The following EYS variants were observed in gnomAD, a reference collection of about 807,000 sequenced individuals.
The protein encoded by EYS is protein eyes shut homolog.
Under a neutral mutation model 282.1 loss-of-function variants are expected in EYS, and 250 were observed. The ratio of observed to expected loss-of-function variants is 0.89; its 90% CI spans 0.80 to 0.98. The LOEUF (loss-of-function observed/expected upper bound fraction) is 0.98, where lower values mean the gene tolerates loss of function less well. Ranked by LOEUF, EYS falls within the 50% of genes least tolerant of loss-of-function variation. The pLI is 0.00. For missense variants in EYS, 4,016 were observed against 3,709.0 expected, an observed-to-expected ratio of 1.08 and a Z score of -2.15; for synonymous variants, 1,355 against 1,282.9, an observed-to-expected ratio of 1.06 and a Z score of -1.20.
intron 35 of EYS, among the ~76,000 whole-genome samples, chr6:63,982,722 G>A (rs1052391116): frequency 6.6e-6 from 1 of 151,790 alleles, no homozygotes. Flanking sequence ...CCCACAGTCA[G>A]GGAGGGAGGA....
At chr6:63,750,631 T>C (rs1355423440) in intron 41 of EYS, among the ~76,000 whole-genome samples, 5 of 152,226 alleles carry the variant, frequency 3.3e-5, no homozygotes, top group Non-Finnish European at 2.9e-5. Flanking sequence ...CATGTTCTAC[T>C]GTTTATTTCT....
At chr6:64,658,854 C>A (rs1403446857) in intron 22 of EYS, among the ~76,000 whole-genome samples, 2 of 152,142 alleles carry the variant, frequency 1.3e-5, no homozygotes, top group East Asian at 3.8e-4. Flanking sequence ...ACAAGGATAT[C>A]CAGGAATTGA....
chr6:64,492,253 T>C (rs9294512), intron 26 of EYS, among the ~76,000 whole-genome samples: 62,576 of 150,908 alleles, frequency 0.41, 13,531 homozygotes, highest in African/African-American at 0.56. Context: ...AGGATCAATG[T>C]CTGAAGTCCA....
intron 22 of EYS, among the ~76,000 whole-genome samples, chr6:64,775,236 C>T (rs1251670444): frequency 6.6e-6 from 1 of 151,946 alleles, no homozygotes; most frequent in Non-Finnish European, 1.5e-5. Context: ...TGAGTAACTC[C>T]TCTAAACCAA....
intron 22 of EYS, among the ~76,000 whole-genome samples, chr6:64,749,934 A>G (rs1408928279): frequency 6.6e-6 from 1 of 152,056 alleles, no homozygotes; most frequent in Non-Finnish European, 1.5e-5. Flanking sequence ...CCTTATAGTA[A>G]TTCATTACTT....
intron 12 of EYS, among the ~76,000 whole-genome samples, chr6:65,164,131 C>A (rs1157745138): frequency 6.6e-6 from 1 of 151,216 alleles, no homozygotes; most frequent in African/African-American, 2.4e-5. Flanking sequence ...AAAAAAGATT[C>A]TCAGGGGAAA....
intron 29 of EYS, among the ~76,000 whole-genome samples, chr6:64,327,245 C>T (rs1372605621): frequency 6.6e-6 from 1 of 152,076 alleles, no homozygotes; most frequent in Admixed American, 6.6e-5. Context: ...TTAAGGCATG[C>T]TCCTGGCTAA....
chr6:65,442,499 A>T (rs1768372719), intron 5 of EYS, among the ~76,000 whole-genome samples: 1 of 152,034 alleles, frequency 6.6e-6, no homozygotes, highest in Non-Finnish European at 1.5e-5. Context: ...TCATGCCTGT[A>T]ATCCCAGCAC....
chr6:65,252,747 C>T (rs1363469207), intron 12 of EYS, among the ~76,000 whole-genome samples: 1 of 151,726 alleles, frequency 6.6e-6, no homozygotes, highest in Non-Finnish European at 1.5e-5. Context: ...TACAAAGTCT[C>T]AGCAAATAGA....
chr6:64,550,990 CAG>C (rs903721664), intron 26 of EYS, among the ~76,000 whole-genome samples: 4 of 151,942 alleles, frequency 2.6e-5, no homozygotes, highest in Non-Finnish European at 5.9e-5. Flanking sequence ...TGGCCAGAAA[CAG>C]AAATTCCTCA....
chr6:64,058,948 C>G (rs1264381545), intron 33 of EYS, among the ~76,000 whole-genome samples: 1 of 152,114 alleles, frequency 6.6e-6, no homozygotes. Context: ...ACAGCTAGTG[C>G]TCAAAACATT....
intron 5 of EYS, among the ~76,000 whole-genome samples, chr6:65,475,367 T>C (rs1158958971): frequency 1.3e-5 from 2 of 152,218 alleles, no homozygotes; most frequent in East Asian, 3.9e-4. Flanking sequence ...CTTTCTAGCA[T>C]TGGTCTTTAT....
intron 35 of EYS, among the ~76,000 whole-genome samples, chr6:63,877,874 C>A (rs557016151): frequency 6.6e-6 from 1 of 152,144 alleles, no homozygotes; most frequent in Non-Finnish European, 1.5e-5. Context: ...ATTCATCTAA[C>A]CTTTTTGAAG....
intron 18 of EYS, 126 bp downstream of exon 18, chr6:64,901,987 C>A: frequency 1.6e-6 from 1 of 624,100 alleles, no homozygotes; most frequent in East Asian, 3.0e-5. Flanking sequence ...TGAGGATGTG[C>A]TGGTACAAGC....
intron 7 of EYS, among the ~76,000 whole-genome samples, chr6:65,387,937 T>A (rs777665646): frequency 2.6e-5 from 4 of 152,056 alleles, no homozygotes; most frequent in Non-Finnish European, 5.9e-5. Flanking sequence ...TTCAATGCTG[T>A]CATTGAACCT....
At chr6:63,886,460 A>T (rs763620455) in intron 35 of EYS, among the ~76,000 whole-genome samples, 2 of 152,178 alleles carry the variant, frequency 1.3e-5, no homozygotes, top group Non-Finnish European at 2.9e-5. Flanking sequence ...AAAAAAAGTG[A>T]TGTTATTACT....
chr6:64,997,639 A>G lies in EYS; in HGVS notation c.2202T>C (p.Ile734=). The G allele has an allele frequency of 6.4e-7, 1 of 1,551,286 alleles. No homozygotes were observed. Among genetic ancestry groups the G allele is most frequent in the Non-Finnish European group, 8.7e-7 (1 of 1,146,596 alleles). ...CACAGGCATTCAGGATGCAGTCATC[A>G]ATGTCCTGTTCACATCTTATCCCAA... ...GYVGIRCEQD[I]DDCILNACEH... The change falls in exon 14 of 43, where the codon ATT becomes ATC. Residue 734 remains isoleucine (I), a synonymous_variant. Transcript: ENST00000503581.
At chr6:65,636,180 A>G (rs1400024923) in intron 2 of EYS, among the ~76,000 whole-genome samples, 1 of 152,240 alleles carries the variant, frequency 6.6e-6, no homozygotes, top group Non-Finnish European at 1.5e-5. Flanking sequence ...AAAAGAAGAC[A>G]AGGTCATTTC....
At chr6:63,993,405 A>G (rs1767693004) in intron 34 of EYS, among the ~76,000 whole-genome samples, 1 of 151,850 alleles carries the variant, frequency 6.6e-6, no homozygotes, top group Admixed American at 6.6e-5. Context: ...GATAATATAC[A>G]TAGAAAACCT....
Sources: allele counts gnomAD v4.1 joint callset (sites outside exome capture counted in the v4.1 genomes callset), GRCh38; gene constraint gnomAD v4.1.1; transcripts MANE v1.5; gene names NCBI Gene and HGNC (gene_info 2026-07-23, HGNC 2026-07-21).